MAP3K20: variants seen among roughly 807,000 people sequenced by gnomAD.
The protein encoded by MAP3K20 is mitogen-activated protein kinase kinase kinase 20.
In MAP3K20, 40 loss-of-function variants were observed where a neutral mutation model predicts 85.7. The observed-to-expected ratio is 0.47, with a 90% CI of 0.36 to 0.61. The LOEUF is 0.61. Ranked by LOEUF, MAP3K20 falls within the 20% of genes least tolerant of loss-of-function variation. The pLI is 0.00. For missense variants in MAP3K20, 817 were observed against 961.7 expected (o/e 0.85, Z 1.99); for synonymous variants, 325 against 327.7 (o/e 0.99, Z 0.09).
At chr2:173,182,832 C>A in intron 3 of MAP3K20, 22 bp from the exon 4 acceptor site, 1 of 1,491,206 alleles carries the variant, frequency 6.7e-7, no homozygotes. Flanking sequence ...TAATTATATG[C>A]TTATCTTTCC....
intron 4 of MAP3K20, among the ~76,000 whole-genome samples, chr2:173,185,139 G>A (rs913993090): frequency 9.2e-5 from 14 of 152,156 alleles, no homozygotes; most frequent in Non-Finnish European, 1.6e-4. Flanking sequence ...TACTCAGGAG[G>A]CTAAGGCAGG....
intron 11 of MAP3K20, chr2:173,226,425 A>T: frequency 1.0e-6 from 1 of 985,488 alleles, no homozygotes; most frequent in Non-Finnish European, 1.2e-6. Context: ...AATTTTCTAT[A>T]ATCAGGCACC....
chr2:173,170,022 A>G, intron 3 of MAP3K20, 130 bp downstream of exon 3: 1 of 802,858 alleles, frequency 1.2e-6, no homozygotes, highest in Non-Finnish European at 2.0e-6. Context: ...TTTTGTTGCT[A>G]TAAAGCATTA....
intron 11 of MAP3K20, chr2:173,223,297 GT>G (rs1341291991): frequency 2.1e-6 from 2 of 959,826 alleles, no homozygotes; most frequent in Non-Finnish European, 2.5e-6. Context: ...TGGGAAAATT[GT>G]TTTATCTTTG....
intron 3 of MAP3K20, among the ~76,000 whole-genome samples, chr2:173,181,275 G>C (rs1249953152): frequency 6.6e-6 from 1 of 152,100 alleles, no homozygotes; most frequent in East Asian, 1.9e-4. Context: ...CCAGCTACTT[G>C]TGAGGCAGAG....
intron 11 of MAP3K20, chr2:173,224,983 A>G (rs890712619): frequency 9.4e-5 from 76 of 807,564 alleles, no homozygotes; most frequent in East Asian, 2.4e-4. Flanking sequence ...TTTAGAGGTT[A>G]AAAGAAACAG....
At chr2:173,175,102 CT>C (rs1690115739) in intron 3 of MAP3K20, among the ~76,000 whole-genome samples, 1 of 152,138 alleles carries the variant, frequency 6.6e-6, no homozygotes, top group Non-Finnish European at 1.5e-5. Context: ...CCCTCCCTCT[CT>C]TTTGTCTTAT....
At chr2:173,187,199 T>G (rs1690512602) in intron 4 of MAP3K20, among the ~76,000 whole-genome samples, 1 of 152,174 alleles carries the variant, frequency 6.6e-6, no homozygotes, top group Non-Finnish European at 1.5e-5. Flanking sequence ...ACTCAGAACT[T>G]TGGCAGATTT....
chr2:173,237,014 TCCA>T (rs1405958149), intron 14 of MAP3K20, among the ~76,000 whole-genome samples: 4 of 134,574 alleles, frequency 3.0e-5, no homozygotes, highest in African/African-American at 1.1e-4. Context: ...GAGCAGTATA[TCCA>T]CCTTTTTTTT....
chr2:173,119,697 C>T (rs1413348733), intron 2 of MAP3K20, among the ~76,000 whole-genome samples: 2 of 152,206 alleles, frequency 1.3e-5, no homozygotes, highest in South Asian at 2.1e-4. Context: ...CATCTACACA[C>T]ACTTGAACTT....
chr2:173,224,212 A>G, intron 11 of MAP3K20: 2 of 974,804 alleles, frequency 2.1e-6, no homozygotes, highest in Non-Finnish European at 2.4e-6. Flanking sequence ...GAAAGGCCCC[A>G]CTGATAAGGT....
intron 2 of MAP3K20, among the ~76,000 whole-genome samples, chr2:173,112,320 G>T (rs1353350023): frequency 6.6e-6 from 1 of 152,024 alleles, no homozygotes; most frequent in Non-Finnish European, 1.5e-5. Flanking sequence ...GAGTCCTTAG[G>T]GTTTTCAAGG....
At chr2:173,195,471 C>T (rs536945945) in intron 7 of MAP3K20, among the ~76,000 whole-genome samples, 9 of 152,224 alleles carry the variant, frequency 5.9e-5, no homozygotes, top group East Asian at 3.9e-4. Flanking sequence ...AATGTGAGGA[C>T]GTCTCAATAT....
chr2:173,076,679 G>T (rs879421970), intron 1 of MAP3K20, among the ~76,000 whole-genome samples: 7 of 152,206 alleles, frequency 4.6e-5, no homozygotes, highest in Non-Finnish European at 7.3e-5. Context: ...ACCGCTCCCC[G>T]CCCTTCCTGC....
In MAP3K20 at chr2:173,204,617, T is replaced by C. The variant is rs139256421; in HGVS notation, c.744+747T>C. Among the ~76,000 whole-genome samples, 10 of 152,234 alleles carry C rather than the reference T, an allele frequency of 6.6e-5. No homozygotes were observed. In the East Asian group the frequency reaches 7.7e-4, roughly 12 times the overall value. On this transcript the variant is annotated intron_variant, in intron 9 of 19. Transcript: ENST00000375213. ...ATTTTAAAAGACTCTCGCATACATATGGAAATGTTTACAGATGAAATGATA... is the reference window on the plus strand; with the variant it reads ...ATTTTAAAAGACTCTCGCATACATACGGAAATGTTTACAGATGAAATGATA...
chr2:173,167,831 G>T (rs1689879845), intron 2 of MAP3K20, among the ~76,000 whole-genome samples: 2 of 152,070 alleles, frequency 1.3e-5, no homozygotes, highest in African/African-American at 2.4e-5. Context: ...GAATATACTT[G>T]TATTTATTCT....
At chr2:173,090,395 T>G (rs1687258916) in intron 1 of MAP3K20, among the ~76,000 whole-genome samples, 1 of 152,202 alleles carries the variant, frequency 6.6e-6, no homozygotes, top group Admixed American at 6.5e-5. Context: ...CTCTTTAAGT[T>G]TTGTTACAGT....
chr2:173,258,613 G>T, intron 16 of MAP3K20, 86 bp from the exon 17 acceptor site: 4 of 683,202 alleles, frequency 5.9e-6, no homozygotes, highest in South Asian at 3.8e-5. Context: ...ACTTCATTTA[G>T]AATATTTTAT....
intron 11 of MAP3K20, chr2:173,224,034 G>T: frequency 1.0e-6 from 1 of 982,892 alleles, no homozygotes; most frequent in Non-Finnish European, 1.2e-6. Context: ...AAGATAGCTA[G>T]ATGAAAATCT....
Sources: gnomAD v4.1 joint callset for allele counts (sites outside exome capture counted in the v4.1 genomes callset) on GRCh38, gnomAD v4.1.1 for gene constraint, MANE v1.5 for transcripts, NCBI Gene and HGNC (gene_info 2026-07-23, HGNC 2026-07-21) for gene names.